The following EFCAB11 variants were observed in gnomAD, a reference collection of about 807,000 sequenced individuals.
EFCAB11 encodes EF-hand calcium-binding domain-containing protein 11.
A neutral mutation model predicts 23.0 loss-of-function variants in EFCAB11; 14 were observed. That is an observed-to-expected ratio of 0.61 (90% CI 0.40 to 0.95). The LOEUF (loss-of-function observed/expected upper bound fraction) is 0.95. Ranked by LOEUF, EFCAB11 falls within the 40% of genes least tolerant of loss-of-function variation. EFCAB11 has a pLI of 0.00. For synonymous variants in EFCAB11, 65 were observed against 66.6 expected (o/e 0.98, Z 0.11); for missense variants, 198 against 195.8 (o/e 1.01, Z -0.07).
intron 5 of EFCAB11, among the ~76,000 whole-genome samples, chr14:89,812,542 T>G (rs1886181953): frequency 6.6e-6 from 1 of 152,178 alleles, no homozygotes; most frequent in South Asian, 2.1e-4. Flanking sequence ...TTAGAACATA[T>G]TGTCAGAACT....
At chr14:89,881,842 T>C (rs10136555) in intron 5 of EFCAB11, among the ~76,000 whole-genome samples, 3,311 of 152,224 alleles carry the variant, frequency 0.022, 150 homozygotes, top group African/African-American at 0.075. Context: ...AGAGTAAAGG[T>C]ATGAAGTTGA....
intron 5 of EFCAB11, among the ~76,000 whole-genome samples, chr14:89,831,431 G>T (rs2140114569): frequency 6.6e-6 from 1 of 152,306 alleles, no homozygotes; most frequent in South Asian, 2.1e-4. Context: ...ATGGCACATT[G>T]ATATGACTGC....
intron 5 of EFCAB11, among the ~76,000 whole-genome samples, chr14:89,804,656 G>A (rs540282374): frequency 6.6e-6 from 1 of 152,296 alleles, no homozygotes; most frequent in South Asian, 2.1e-4. Context: ...CATTTAAATT[G>A]CCATCAGCAA....
rs746941706 is a variant in EFCAB11 at position 89,797,192 on chromosome 14, A to G, written c.*51T>C. On this transcript the variant is annotated 3_prime_UTR_variant, in exon 6 of 6. Transcript: ENST00000316738. Reference sequence around the variant, plus strand: ...ATCATTAGTAGAGTCGAGTCTGCTGACATTACAATCTATTGATCTCCCCAG... The same window carrying G: ...ATCATTAGTAGAGTCGAGTCTGCTGGCATTACAATCTATTGATCTCCCCAG... The G allele has an allele frequency of 1.4e-5, 21 of 1,510,198 alleles. 1 individual carries two copies. The South Asian group carries it at 1.8e-4, about 13-fold the overall frequency. 93.5% of individuals were successfully genotyped at this position (1,510,198 alleles called of 1,614,324 possible).
intron 3 of EFCAB11, 134 bp from the exon 4 acceptor site, chr14:89,932,761 C>A: frequency 1.4e-6 from 1 of 734,438 alleles, no homozygotes; most frequent in Non-Finnish European, 2.2e-6. Flanking sequence ...AGTATTTACT[C>A]AAGATCTGTG....
intron 5 of EFCAB11, among the ~76,000 whole-genome samples, chr14:89,863,069 G>T (rs1164258765): frequency 2.0e-5 from 3 of 151,420 alleles, no homozygotes; most frequent in Non-Finnish European, 4.4e-5. Flanking sequence ...CTGTCTAAAA[G>T]GAATTCACAG....
intron 5 of EFCAB11, among the ~76,000 whole-genome samples, chr14:89,840,200 G>A (rs925700386): frequency 6.6e-6 from 1 of 152,164 alleles, no homozygotes; most frequent in African/African-American, 2.4e-5. Flanking sequence ...TGACATTAAA[G>A]CATGTTTCTA....
At chr14:89,855,103 C>G (rs917121661) in intron 5 of EFCAB11, among the ~76,000 whole-genome samples, 1 of 151,960 alleles carries the variant, frequency 6.6e-6, no homozygotes, top group Non-Finnish European at 1.5e-5. Context: ...ATTTCAGTGT[C>G]CCACTTACAG....
intron 5 of EFCAB11, among the ~76,000 whole-genome samples, chr14:89,896,144 C>T (rs747278236): frequency 6.6e-6 from 1 of 152,032 alleles, no homozygotes; most frequent in Non-Finnish European, 1.5e-5. Context: ...CCAGCACTTT[C>T]GGAGGCCGAG....
intron 5 of EFCAB11, among the ~76,000 whole-genome samples, chr14:89,838,051 T>C (rs17126394): frequency 0.078 from 11,863 of 152,172 alleles, 959 homozygotes; most frequent in African/African-American, 0.2. Flanking sequence ...GAGGAATTCA[T>C]AGGCCTGGGG....
chr14:89,847,209 G>T (rs1421438418), intron 5 of EFCAB11, among the ~76,000 whole-genome samples: 1 of 151,932 alleles, frequency 6.6e-6, no homozygotes, highest in African/African-American at 2.4e-5. Flanking sequence ...TACCCTTTTT[G>T]ATCTCCTGAT....
intron 3 of EFCAB11, among the ~76,000 whole-genome samples, chr14:89,935,629 C>A (rs1361293440): frequency 2.6e-5 from 4 of 152,218 alleles, no homozygotes; most frequent in African/African-American, 9.6e-5. Flanking sequence ...AATCCTAACA[C>A]TTTGGGAGGC....
intron 5 of EFCAB11, among the ~76,000 whole-genome samples, chr14:89,852,281 C>CT (rs1887621758): frequency 6.6e-6 from 1 of 152,192 alleles, no homozygotes. Flanking sequence ...CTTTAAAAGT[C>CT]TGTTATAAAG....
chr14:89,947,537 C>T (rs1006231982), intron 3 of EFCAB11, among the ~76,000 whole-genome samples: 2 of 152,224 alleles, frequency 1.3e-5, no homozygotes, highest in African/African-American at 4.8e-5. Context: ...CTTTGAAATG[C>T]CTCTTGCTAA....
chr14:89,943,167 T>A (rs1310268480), intron 3 of EFCAB11, among the ~76,000 whole-genome samples: 1 of 151,938 alleles, frequency 6.6e-6, no homozygotes, highest in Non-Finnish European at 1.5e-5. Context: ...AAGTCACAGC[T>A]GTATTATACA....
At chr14:89,824,069 G>C (rs1003824381) in intron 5 of EFCAB11, among the ~76,000 whole-genome samples, 1 of 152,056 alleles carries the variant, frequency 6.6e-6, no homozygotes, top group African/African-American at 2.4e-5. Flanking sequence ...AAATTCTACA[G>C]ATCCAAGAAG....
intron 5 of EFCAB11, among the ~76,000 whole-genome samples, chr14:89,916,686 T>G (rs1341137938): frequency 1.3e-5 from 2 of 152,230 alleles, no homozygotes. Flanking sequence ...TACTCTCTCC[T>G]GCAAACAGAG....
chr14:89,921,269 T>C (rs1890015336), intron 5 of EFCAB11, among the ~76,000 whole-genome samples: 1 of 152,194 alleles, frequency 6.6e-6, no homozygotes. Context: ...GATGAAATAC[T>C]GGGGGACATG....
At chr14:89,813,683 G>C (rs1886228970) in intron 5 of EFCAB11, among the ~76,000 whole-genome samples, 1 of 118,582 alleles carries the variant, frequency 8.4e-6, no homozygotes, top group Non-Finnish European at 1.6e-5. Context: ...AAATGCCTAT[G>C]TGCTCAGCAC....
Sources: gnomAD v4.1 joint callset for allele counts (sites outside exome capture counted in the v4.1 genomes callset) on GRCh38, gnomAD v4.1.1 for gene constraint, MANE v1.5 for transcripts, NCBI Gene and HGNC (gene_info 2026-07-23, HGNC 2026-07-21) for gene names.